The following ADAP1 variants were observed in gnomAD, a reference collection of about 807,000 sequenced individuals.
ADAP1 encodes the protein ArfGAP with dual PH domains 1, also known as arf-GAP with dual PH domain-containing protein 1.
ADAP1 carries 31 observed loss-of-function variants against 54.9 expected under a neutral mutation model. The observed-to-expected ratio is 0.56, with a 90% CI of 0.42 to 0.76. ADAP1 has a LOEUF of 0.76. ADAP1 is among the 30% of genes least tolerant of loss of function. ADAP1 has a pLI of 0.00. For synonymous variants in ADAP1, 313 were observed against 202.6 expected, an observed-to-expected ratio of 1.55 and a Z score of -4.63; for missense variants, 535 against 512.4, an observed-to-expected ratio of 1.04 and a Z score of -0.42.
chr7:901,815 C>T (rs1026703522), intron 6 of ADAP1, among the ~76,000 whole-genome samples: 1 of 151,758 alleles, frequency 6.6e-6, no homozygotes, highest in African/African-American at 2.4e-5. Flanking sequence ...CCCCGCCCTC[C>T]CTCCTCCTAG....
chr7:921,209 AGTGCCCCCACCTCG>A (rs957866121), intron 3 of ADAP1, among the ~76,000 whole-genome samples: 26 of 152,134 alleles, frequency 1.7e-4, no homozygotes, highest in Admixed American at 9.8e-4. Context: ...GGAAGCCGCC[AGTGCCCCCACCTCG>A]GCGCCGTCCT....
At chr7:911,268 G>A (rs1845710767) in intron 4 of ADAP1, among the ~76,000 whole-genome samples, 1 of 152,152 alleles carries the variant, frequency 6.6e-6, no homozygotes. Flanking sequence ...ATAGCCCCCA[G>A]CATGGGGCCC....
At chr7:905,425 G>A (rs1360376025) in intron 4 of ADAP1, 4 of 154,058 alleles carry the variant, frequency 2.6e-5, no homozygotes, top group South Asian at 8.4e-5. Flanking sequence ...GAAAGAGAAA[G>A]GAGAAAGGAG....
rs371214877 is a variant in ADAP1, at chr7:920,100, C to T, written c.306-50G>A. On this transcript the variant is annotated intron_variant, in intron 3 of 10. Coordinates refer to ENST00000265846, the MANE Select transcript of ADAP1 (RefSeq NM_006869.4). This position sits in a 1 kb window ranked among gnomAD's most constrained non-coding sequence, Gnocchi z 4.5. ...CACTGGGCCAAGGCGGCCTCCGACCCAGCACACGCCGCTCTCTGGCCCGGA... is the reference window on the plus strand; with the variant it reads ...CACTGGGCCAAGGCGGCCTCCGACCTAGCACACGCCGCTCTCTGGCCCGGA... 236 of 1,545,766 alleles carry T rather than the reference C, an allele frequency of 1.5e-4. No homozygotes were observed. Among genetic ancestry groups the T allele is most frequent in the Admixed American group, 9.6e-4 (56 of 58,332 alleles).
intron 3 of ADAP1, among the ~76,000 whole-genome samples, chr7:921,262 C>T (rs1012646737): frequency 7.9e-5 from 12 of 152,176 alleles, no homozygotes; most frequent in African/African-American, 2.4e-4. Context: ...GGGTTTGGGC[C>T]CACCCTACTC....
chr7:954,923 C>T (rs933546301), upstream of ADAP1, among the ~76,000 whole-genome samples: 1 of 152,078 alleles, frequency 6.6e-6, no homozygotes, highest in Admixed American at 6.5e-5. Flanking sequence ...CTCGTGCCGC[C>T]GCGCGCGGTG....
At chr7:909,618 G>A (rs1210399701) in intron 4 of ADAP1, among the ~76,000 whole-genome samples, 2 of 152,226 alleles carry the variant, frequency 1.3e-5, no homozygotes, top group Non-Finnish European at 2.9e-5. Context: ...GACCTCAGGG[G>A]CCTGCAGCCC....
chr7:936,180 C>A (rs1295067400), intron 1 of ADAP1, among the ~76,000 whole-genome samples: 3 of 152,104 alleles, frequency 2.0e-5, no homozygotes, highest in Non-Finnish European at 4.4e-5. Context: ...GGCTCAGGCC[C>A]GTAATCCCAG....
chr7:908,518 C>G (rs1845574280), intron 4 of ADAP1, among the ~76,000 whole-genome samples: 1 of 152,204 alleles, frequency 6.6e-6, no homozygotes, highest in Non-Finnish European at 1.5e-5. Context: ...GCCAGGAGCC[C>G]CCTTCCCATG....
In ADAP1 at chr7:926,656, G is replaced by T. The variant is rs1019426163; in HGVS notation, c.214-12C>A. On this transcript the variant is annotated splice_polypyrimidine_tract_variant and intron_variant, in intron 2 of 10. Transcript: ENST00000265846. This position sits in a 1 kb window ranked among gnomAD's most constrained non-coding sequence, Gnocchi z 4.6. The stretch of plus-strand genomic sequence containing the variant: ...TGGGAGGCCATGAACTGCAAGAGAG[G>T]AGGGGCCGGGTCAGAGGCCTGGGGT... 2.6e-6 allele frequency: 4 copies of T among 1,538,970 alleles called. No individual in the cohort carries two copies. The highest frequency in any genetic ancestry group is 1.4e-5 in the African/African-American group (1 of 72,054).
intron 6 of ADAP1, chr7:900,975 C>T (rs1844780482): frequency 3.8e-6 from 2 of 522,138 alleles, no homozygotes; most frequent in Non-Finnish European, 3.8e-6. Flanking sequence ...GCCAACTTGC[C>T]TTCCTTTCAG....
At position 919,999 on chromosome 7, in the gene ADAP1, G is replaced by A; in HGVS notation, c.357C>T (p.Ile119=). 1 of 1,607,844 alleles carries A rather than the reference G, an allele frequency of 6.2e-7. No individual in the cohort carries two copies. Among genetic ancestry groups the A allele is most frequent in the Non-Finnish European group, 8.5e-7 (1 of 1,179,568 alleles). The change falls in exon 4 of 11, where the codon ATC becomes ATT. Residue 119 remains isoleucine, a synonymous_variant. Transcript: ENST00000265846. ...AGTAGGGCTCCTGCTTCTCCGGGTA[G>A]ATGAACTCCTGTCGCTCGTACTTGG... is the stretch of plus-strand genomic sequence containing the variant. The part of the protein sequence containing the change: ...IRAKYERQEF[I]YPEKQEPYSA...
chr7:919,995 G>T lies in ADAP1; in HGVS notation c.361C>A (p.Pro121Thr). ...GCCGAGTAGGGCTCCTGCTTCTCCG[G>T]GTAGATGAACTCCTGTCGCTCGTAC... ...AKYERQEFIY[P>T]EKQEPYSAGY... Residue 121 changes from proline (P) to threonine (T), a missense_variant, in exon 4 of 11, where the codon CCG becomes ACG. Transcript: ENST00000265846. 2 of 1,607,460 alleles carry T rather than the reference G, an allele frequency of 1.2e-6. No homozygotes were observed. The highest frequency in any genetic ancestry group is 1.7e-6 in the Non-Finnish European group (2 of 1,179,480).
chr7:950,927 G>A (rs1275616339), intron 1 of ADAP1, among the ~76,000 whole-genome samples: 13 of 151,388 alleles, frequency 8.6e-5, no homozygotes, highest in Non-Finnish European at 2.9e-5. Context: ...ACTGGGGAGA[G>A]GAAATCTGGA....
intron 2 of ADAP1, among the ~76,000 whole-genome samples, chr7:928,303 G>T (rs769333416): frequency 2.0e-5 from 3 of 152,206 alleles, no homozygotes; most frequent in South Asian, 2.1e-4. Flanking sequence ...AGAGGTCAAG[G>T]CTATGAGCTA....
chr7:937,071 G>A (rs1409836219), intron 1 of ADAP1, among the ~76,000 whole-genome samples: 2 of 123,052 alleles, frequency 1.6e-5, no homozygotes, highest in East Asian at 2.4e-4. Flanking sequence ...GGTCATGCCC[G>A]GCCTCTGGGA....
At chr7:954,240 C>G (rs1847334574) in intron 1 of ADAP1, among the ~76,000 whole-genome samples, 156 bp downstream of exon 1, 1 of 151,284 alleles carries the variant, frequency 6.6e-6, no homozygotes, top group East Asian at 1.9e-4. Context: ...GGGCCCGGGC[C>G]CCATCCGAGC....
intron 5 of ADAP1, 137 bp from the exon 6 acceptor site, chr7:904,409 A>G (rs1319280453): frequency 3.6e-6 from 4 of 1,120,450 alleles, no homozygotes; most frequent in East Asian, 2.7e-5. Context: ...AAGCGCTCTG[A>G]GCCTTGGCCT....
chr7:913,851 C>G (rs1459520740), intron 4 of ADAP1, among the ~76,000 whole-genome samples: 2 of 152,124 alleles, frequency 1.3e-5, no homozygotes, highest in Admixed American at 1.3e-4. Flanking sequence ...AGGAGAATGG[C>G]GGGAACCCGG....
Sources: gnomAD v4.1 joint callset for allele counts (sites outside exome capture counted in the v4.1 genomes callset) on GRCh38, gnomAD v4.1.1 for gene constraint, Gnocchi (gnomAD v3.1) non-coding constraint, MANE v1.5 for transcripts, NCBI Gene and HGNC (gene_info 2026-07-23, HGNC 2026-07-21) for gene names.